Variants in CIP2A observed in about 807,000 individuals in gnomAD.
CIP2A encodes the protein protein CIP2A.
CIP2A carries 103 observed loss-of-function variants against 110.9 expected under a neutral mutation model. The ratio of observed to expected loss-of-function variants is 0.93; its 90% CI spans 0.79 to 1.09. The LOEUF is 1.09. Ranked by LOEUF, CIP2A falls within the 50% of genes least tolerant of loss-of-function variation. CIP2A has a pLI of 0.00. For synonymous variants in CIP2A, 381 were observed against 361.6 expected (o/e 1.05, Z -0.61); for missense variants, 1,088 against 1,038.4 (o/e 1.05, Z -0.66).
In CIP2A at chr3:108,576,344, T is replaced by C. The variant is rs367941403; in HGVS notation, c.821A>G (p.Tyr274Cys). The C allele has an allele frequency of 2.7e-6, 4 of 1,505,424 alleles. No homozygotes were observed. The highest frequency in any genetic ancestry group is 3.6e-6 in the Non-Finnish European group (4 of 1,106,538). The allele number at this position is 1,505,424 out of a possible 1,614,324, so 93.3% of individuals were successfully genotyped here. ...NPKIADYLTRYEHFSSCLHQV... is the reference protein window; with the variant it reads ...NPKIADYLTRCEHFSSCLHQV... ...GTGAAGACATGAAGAAAAGTGCTCA[T>C]ATCTAGGTTTAGAATAAAAATATAC... is the stretch of plus-strand genomic sequence containing the variant. The change falls in exon 8 of 21, where the codon TAT becomes TGT. Residue 274 changes from tyrosine to cysteine, a missense_variant and splice_region_variant. Coordinates refer to ENST00000295746, the MANE Select transcript of CIP2A (RefSeq NM_020890.3).
At chr3:108,578,791 G>A (rs1241076235) in intron 7 of CIP2A, among the ~76,000 whole-genome samples, 1 of 151,984 alleles carries the variant, frequency 6.6e-6, no homozygotes, top group African/African-American at 2.4e-5. Context: ...AAGGACATAT[G>A]TTCCTATTTT....
chr3:108,550,426 T>C lies in CIP2A; in HGVS notation c.*723A>G, dbSNP rs1408136077. 2.6e-5 allele frequency: 4 copies of C among 151,434 alleles called. No individual in the cohort carries two copies. The highest frequency in any genetic ancestry group is 5.9e-5 in the Non-Finnish European group (4 of 67,672). The allele number at this position is 151,434 out of a possible 1,614,324, so 9.4% of individuals were successfully genotyped here. ...AGATGATCTGGACCACTATGCAACATTTGAAAAAAGAGAAAAAAACACTAA... is the reference window on the plus strand; with the variant it reads ...AGATGATCTGGACCACTATGCAACACTTGAAAAAAGAGAAAAAAACACTAA... On this transcript the variant is annotated 3_prime_UTR_variant, in exon 21 of 21. Transcript: ENST00000295746.
chr3:108,566,499 T>A lies in CIP2A; in HGVS notation c.1413A>T (p.Leu471Phe). 1 of 1,606,476 alleles carries A rather than the reference T, an allele frequency of 6.2e-7. No homozygotes were observed. Among genetic ancestry groups the A allele is most frequent in the Non-Finnish European group, 8.5e-7 (1 of 1,176,366 alleles). Residue 471 changes from leucine to phenylalanine, a missense_variant and splice_region_variant, in exon 11 of 21, where the codon TTA becomes TTT. Coordinates refer to ENST00000295746, the MANE Select transcript of CIP2A (RefSeq NM_020890.3). ...GTCATTAGAGTTTATATACTCACCATAATTCAGAATCTGCAACCTTTGTTC... is the reference window on the plus strand; with the variant it reads ...GTCATTAGAGTTTATATACTCACCAAAATTCAGAATCTGCAACCTTTGTTC... ...GFGTKVADSE[L>F]CKLAADVILK...
chr3:108,552,758 G>A (rs908549532), intron 19 of CIP2A, among the ~76,000 whole-genome samples: 8 of 152,084 alleles, frequency 5.3e-5, no homozygotes, highest in Non-Finnish European at 1.2e-4. Context: ...CTGCTGTTAC[G>A]TTCCTTCAAC....
At chr3:108,578,588 G>A (rs1350761244) in intron 7 of CIP2A, among the ~76,000 whole-genome samples, 3 of 152,142 alleles carry the variant, frequency 2.0e-5, no homozygotes, top group Non-Finnish European at 2.9e-5. Context: ...GATCATAGGT[G>A]GGGTTCAGTA....
At chr3:108,562,789 G>T (rs1009859915) in intron 13 of CIP2A, among the ~76,000 whole-genome samples, 1 of 152,020 alleles carries the variant, frequency 6.6e-6, no homozygotes, top group African/African-American at 2.4e-5. Context: ...TCCTTAAACA[G>T]TCAGGAAGGA....
rs1444418511 is a variant in CIP2A, at chr3:108,552,259, T to G, written c.2522A>C (p.Gln841Pro). 1 of 1,565,594 alleles carries G rather than the reference T, an allele frequency of 6.4e-7. No individual in the cohort carries two copies. Among genetic ancestry groups the G allele is most frequent in the Non-Finnish European group, 8.6e-7 (1 of 1,159,746 alleles). The change falls in exon 20 of 21, where the codon CAG (glutamine) becomes CCG (proline). Residue 841 changes from glutamine to proline, a missense_variant. Transcript: ENST00000295746. ...ILRKELSRTE[Q>P]IRKELSIKAS... ...CTTAATGCTCAACTCTTTTCTTATCTGTTCTGTTCTGCTTAATTCTTTTCT... is the reference window on the plus strand; with the variant it reads ...CTTAATGCTCAACTCTTTTCTTATCGGTTCTGTTCTGCTTAATTCTTTTCT...
At chr3:108,560,873 T>C (rs188680617) in intron 13 of CIP2A, 32 bp from the exon 14 acceptor site, 187 of 1,421,182 alleles carry the variant, frequency 1.3e-4, no homozygotes, top group Non-Finnish European at 1.7e-4. Flanking sequence ...GAAAAAAAAA[T>C]TATACGAAAA....
intron 17 of CIP2A, among the ~76,000 whole-genome samples, chr3:108,555,347 C>A (rs1937758041): frequency 6.6e-6 from 1 of 152,110 alleles, no homozygotes; most frequent in Non-Finnish European, 1.5e-5. Flanking sequence ...AAGGGAAATT[C>A]CAGGGACCTA....
chr3:108,587,568 T>C (rs934059887), intron 1 of CIP2A, among the ~76,000 whole-genome samples: 4 of 152,230 alleles, frequency 2.6e-5, no homozygotes, highest in Non-Finnish European at 4.4e-5. Context: ...ATGGTACCTA[T>C]ATATTAAAAA....
intron 12 of CIP2A, 74 bp downstream of exon 12, chr3:108,565,275 TTAAGAA>T (rs1437738442): frequency 5.6e-6 from 4 of 710,664 alleles, no homozygotes; most frequent in Middle Eastern, 7.6e-4. Flanking sequence ...CTTCTAAAGA[TTAAGAA>T]TATTAAAACA....
At chr3:108,582,516 T>C (rs1037241434) in intron 3 of CIP2A, among the ~76,000 whole-genome samples, 1 of 152,218 alleles carries the variant, frequency 6.6e-6, no homozygotes, top group African/African-American at 2.4e-5. Context: ...TAAAACTGCA[T>C]GTCAATTTAA....
intron 10 of CIP2A, among the ~76,000 whole-genome samples, chr3:108,567,641 A>G (rs887696441): frequency 3.3e-5 from 5 of 151,936 alleles, no homozygotes; most frequent in Admixed American, 6.6e-5. Context: ...GTGTTGATAT[A>G]CTTGTCTTTT....
At chr3:108,565,524 C>A in intron 11 of CIP2A, 70 bp from the exon 12 acceptor site, 2 of 786,760 alleles carry the variant, frequency 2.5e-6, no homozygotes, top group South Asian at 3.7e-5. Context: ...GTCCAAAATT[C>A]TAAAGAAAAT....
chr3:108,573,917 T>C (rs1048750612), intron 8 of CIP2A, among the ~76,000 whole-genome samples: 1 of 152,026 alleles, frequency 6.6e-6, no homozygotes, highest in Non-Finnish European at 1.5e-5. Flanking sequence ...AAGTCACTTG[T>C]AGGAAGATTA....
Position 108,560,844 on chromosome 3 carries a change from GA to G in CIP2A, c.1635-4del. The G allele has an allele frequency of 2.0e-6, 3 of 1,526,522 alleles. No individual in the cohort carries two copies. The highest frequency in any genetic ancestry group is 2.6e-6 in the Non-Finnish European group (3 of 1,136,604). 94.6% of individuals were successfully genotyped at this position (1,526,522 alleles called of 1,614,324 possible). A position where few individuals can be genotyped will look rare whatever the true frequency, so the allele number is the denominator to read the frequency against. On this transcript the variant is annotated splice_polypyrimidine_tract_variant and splice_region_variant and intron_variant, in intron 13 of 20. Coordinates refer to ENST00000295746, the MANE Select transcript of CIP2A (RefSeq NM_020890.3). ...TTGCTGCTATACTTTCTCCAAGTCTGAATGGGAGTCAAAGAAAGGAAAAAAA... is the reference window on the plus strand; with the variant it reads ...TTGCTGCTATACTTTCTCCAAGTCTGATGGGAGTCAAAGAAAGGAAAAAAA...
At position 108,579,372 on chromosome 3, in the gene CIP2A, T is replaced by C; in HGVS notation, c.727A>G (p.Ile243Val). 1 of 1,605,950 alleles carries C rather than the reference T, an allele frequency of 6.2e-7. No individual in the cohort carries two copies. The highest frequency in any genetic ancestry group is 8.5e-7 in the Non-Finnish European group (1 of 1,172,994). ...CTAGTTAGAGTGCCATCACCGTTTA[T>C]GAGAATATTAAATATTAGTTGAAAA... ...QTFQLIFNIL[I>V]NGDGTLTRKY... The change falls in exon 7 of 21, where the codon ATA becomes GTA. Residue 243 changes from isoleucine (I) to valine (V), a missense_variant. Ile to Val is a conservative substitution (Grantham distance 29). Coordinates refer to ENST00000295746, the MANE Select transcript of CIP2A (RefSeq NM_020890.3).
intron 18 of CIP2A, among the ~76,000 whole-genome samples, chr3:108,554,044 C>T (rs1197827625): frequency 3.3e-5 from 5 of 151,810 alleles, no homozygotes; most frequent in African/African-American, 7.3e-5. Flanking sequence ...TACAGGCACC[C>T]GCCACAACAC....
chr3:108,579,741 G>T, intron 5 of CIP2A, 53 bp from the exon 6 acceptor site: 1 of 1,248,190 alleles, frequency 8.0e-7, no homozygotes, highest in Non-Finnish European at 1.1e-6. Flanking sequence ...TTATGTTTTG[G>T]TTTAAAAAGT....
Sources: gnomAD v4.1 joint callset for allele counts (sites outside exome capture counted in the v4.1 genomes callset) on GRCh38, gnomAD v4.1.1 for gene constraint, MANE v1.5 for transcripts, NCBI Gene and HGNC (gene_info 2026-07-23, HGNC 2026-07-21) for gene names.